Variants in CASP8 observed in about 807,000 individuals in gnomAD.
CASP8 encodes caspase-8.
Under a neutral mutation model 46.3 loss-of-function variants are expected in CASP8, and 24 were observed. That is an observed-to-expected ratio of 0.52 (90% confidence interval 0.38 to 0.73). CASP8 has a LOEUF of 0.73. Among genes scored for constraint, CASP8 ranks in the 30% least tolerant of loss-of-function variants. CASP8 has a pLI of 0.00. For synonymous variants in CASP8, 188 were observed against 200.4 expected (o/e 0.94, Z 0.52); for missense variants, 460 against 559.0 (o/e 0.82, Z 1.79).
chr2:201,241,439 G>A (rs1215867563), intron 2 of CASP8: 2 of 152,034 alleles, frequency 1.3e-5, no homozygotes, highest in Admixed American at 6.6e-5. Flanking sequence ...CCAACAAACT[G>A]GATAATCTAG....
At chr2:201,240,923 A>T (rs1946271075) in intron 2 of CASP8, 2 of 152,240 alleles carry the variant, frequency 1.3e-5, no homozygotes. Context: ...CACACTCTTG[A>T]ACAACAATTA....
At chr2:201,255,152 C>T (rs1305562700) in intron 2 of CASP8, among the ~76,000 whole-genome samples, 17 of 152,222 alleles carry the variant, frequency 1.1e-4, no homozygotes, top group Non-Finnish European at 5.9e-5. Flanking sequence ...GGTGTCATCT[C>T]GGCTCACTGC....
chr2:201,257,872 G>T (rs146962986), upstream of CASP8: 1 of 323,074 alleles, frequency 3.1e-6, no homozygotes, highest in Admixed American at 4.7e-5. Context: ...ACCGACAGGG[G>T]TTATTATTAC....
rs1019878679 is a variant in CASP8, at chr2:201,260,553, T to C, written c.-87T>C. ...CCTTCATTAGACGTTTGCTCTTGTC[T>C]TAGATGCTCAGATGGTAGTGGATAG... On this transcript the variant is annotated 5_prime_UTR_variant, in exon 1 of 9. Coordinates refer to ENST00000673742, the MANE Select transcript of CASP8 (RefSeq NM_001372051.1). 13 of 985,478 alleles carry C rather than the reference T, an allele frequency of 1.3e-5. No homozygotes were observed. Among genetic ancestry groups the C allele is most frequent in the Non-Finnish European group, 1.6e-5 (13 of 829,942 alleles). The allele number at this position is 985,478 out of a possible 1,614,324, so 61.0% of individuals were successfully genotyped here.
Position 201,284,889 on chromosome 2 carries a change from CTA to C in CASP8, c.878_879del (p.Tyr293Ter). ...PHDDCTVEQI[Y>X]EILKIYQLMD... is the part of the protein sequence containing the mutation. ...ACGATGACTGCACAGTAGAGCAAAT[CTA>C]TGAGATTTTGAAAATCTACCAACTC... is the stretch of plus-strand genomic sequence containing the variant. On this transcript the variant is annotated frameshift_variant, in exon 8 of 9. Coordinates refer to ENST00000673742, the MANE Select transcript of CASP8 (RefSeq NM_001372051.1). LOFTEE classifies it high-confidence loss of function. 3 of 1,614,128 alleles carry C rather than the reference CTA, an allele frequency of 1.9e-6. No homozygotes were observed. The highest frequency in any genetic ancestry group is 2.5e-6 in the Non-Finnish European group (3 of 1,180,016).
At chr2:201,271,485 A>G (rs201053132) in intron 2 of CASP8, 31 bp from the exon 3 acceptor site, 2 of 1,313,320 alleles carry the variant, frequency 1.5e-6, no homozygotes, top group African/African-American at 1.4e-5. Context: ...TTGGGAAAAG[A>G]TTTCTAAAGT....
upstream of CASP8, among the ~76,000 whole-genome samples, chr2:201,257,593 CA>C (rs1445657739): frequency 6.6e-6 from 1 of 151,946 alleles, no homozygotes; most frequent in Non-Finnish European, 1.5e-5. Context: ...ACACGGGTTA[CA>C]ACTAAACTGG....
rs1252394250 is a variant in CASP8 at position 201,269,590 on chromosome 2, A to G, written c.306-1926A>G. 4.3e-6 allele frequency: 7 copies of G among 1,612,360 alleles called. No individual in the cohort carries two copies. Among genetic ancestry groups the G allele is most frequent in the Non-Finnish European group, 5.9e-6 (7 of 1,178,748 alleles). The stretch of plus-strand genomic sequence containing the variant: ...TCTGTACCTTTCTGGCGGAGGGTCG[A>G]TCATCTATTAATAAGGCAGGATCTC... On this transcript the variant is annotated intron_variant, in intron 2 of 8. Coordinates refer to ENST00000673742, the MANE Select transcript of CASP8 (RefSeq NM_001372051.1).
intron 1 of CASP8, among the ~76,000 whole-genome samples, chr2:201,262,545 A>G (rs1947497708): frequency 6.6e-6 from 1 of 152,056 alleles, no homozygotes; most frequent in African/African-American, 2.4e-5. Context: ...TACATGTGGA[A>G]AAAAAATTGG....
intron 7 of CASP8, chr2:201,281,897 A>G: frequency 2.0e-6 from 3 of 1,464,644 alleles, no homozygotes; most frequent in South Asian, 1.2e-5. Flanking sequence ...AGCTACGAAT[A>G]TAGAGGGTTT....
At chr2:201,281,817 T>G (rs1949036798) in intron 7 of CASP8, 1 of 1,425,036 alleles carries the variant, frequency 7.0e-7, no homozygotes, top group Non-Finnish European at 9.3e-7. Flanking sequence ...ACTCTCTCCT[T>G]TCTCATTTGC....
rs757665080 is a variant in CASP8, at chr2:201,285,269, C to T, written c.1256C>T (p.Thr419Ile). Residue 419 changes from threonine to isoleucine, a missense_variant, in exon 8 of 9, where the codon ACC (threonine) becomes ATC (isoleucine). Physicochemically the swap from Thr to Ile is moderately conservative, Grantham distance 89 (BLOSUM62 -1). Transcript: ENST00000673742. ...CVSYRNPAEG[T>I]WYIQSLCQSL... Reference sequence around the variant, plus strand: ...TCCTACCGAAACCCTGCAGAGGGAACCTGGTACATCCAGTCACTTTGCCAG... The same window carrying T: ...TCCTACCGAAACCCTGCAGAGGGAATCTGGTACATCCAGTCACTTTGCCAG... 1 of 1,614,144 alleles carries T rather than the reference C, an allele frequency of 6.2e-7. No individual in the cohort carries two copies. The highest frequency in any genetic ancestry group is 8.5e-7 in the Non-Finnish European group (1 of 1,180,028).
chr2:201,279,582 C>T (rs963183397), intron 7 of CASP8, among the ~76,000 whole-genome samples: 1 of 152,228 alleles, frequency 6.6e-6, no homozygotes, highest in African/African-American at 2.4e-5. Context: ...ACAGAGCTTT[C>T]AGTCGACTTT....
At chr2:201,240,653 C>T (rs115848953) in intron 2 of CASP8, 4,597 of 152,280 alleles carry the variant, frequency 0.03, 111 homozygotes, top group Middle Eastern at 0.065. Context: ...AAACAGGGGA[C>T]TTAAACAACA....
At chr2:201,254,548 C>T (rs950408472) in intron 2 of CASP8, among the ~76,000 whole-genome samples, 1 of 152,226 alleles carries the variant, frequency 6.6e-6, no homozygotes, top group South Asian at 2.1e-4. Context: ...GGGTTATATA[C>T]AAACTCCCAC....
intron 6 of CASP8, among the ~76,000 whole-genome samples, chr2:201,275,363 T>C (rs1376044653): frequency 6.6e-6 from 1 of 152,178 alleles, no homozygotes; most frequent in Non-Finnish European, 1.5e-5. Context: ...GGTGATGAGG[T>C]GTAAGCAGCA....
rs763391833 is a variant in CASP8 at position 201,266,638 on chromosome 2, A to G, written c.152A>G (p.Lys51Arg). 3.1e-6 allele frequency: 5 copies of G among 1,614,166 alleles called. No individual in the cohort carries two copies. The South Asian group carries it at 5.5e-5, about 18-fold the overall frequency. Residue 51 changes from lysine to arginine, a missense_variant, in exon 2 of 9, where the codon AAG (lysine) becomes AGG (arginine). Physicochemically the swap from Lys to Arg is conservative, Grantham distance 26 (BLOSUM62 2). Transcript: ENST00000673742. The surrounding 1 kb of genome is among the most constrained non-coding windows in gnomAD (Gnocchi z 5.7). Reference sequence around the variant, plus strand: ...ATGTTATTCCAGAGACTCCAGGAAAAGAGAATGTTGGAGGAAAGCAATCTG... The same window carrying G: ...ATGTTATTCCAGAGACTCCAGGAAAGGAGAATGTTGGAGGAAAGCAATCTG... ...ALMLFQRLQE[K>R]RMLEESNLSF...
intron 2 of CASP8, among the ~76,000 whole-genome samples, chr2:201,267,179 A>G (rs1313920672): frequency 6.6e-6 from 1 of 152,174 alleles, no homozygotes; most frequent in Non-Finnish European, 1.5e-5. Flanking sequence ...GGTATGCTGA[A>G]GTTATAATAG....
At chr2:201,258,007 T>G (rs1423389574), upstream of CASP8, 4 of 541,112 alleles carry the variant, frequency 7.4e-6, no homozygotes, top group Admixed American at 3.1e-5. Flanking sequence ...ATCTGTTCCT[T>G]TAAACAGGAA....
Sources: allele counts gnomAD v4.1 joint callset (sites outside exome capture counted in the v4.1 genomes callset), GRCh38; gene constraint gnomAD v4.1.1; non-coding constraint Gnocchi (gnomAD v3.1); transcripts MANE v1.5; gene names NCBI Gene and HGNC (gene_info 2026-07-23, HGNC 2026-07-21).